The following NR2F1-AS1 variants were observed in gnomAD, a reference collection of about 807,000 sequenced individuals.
The protein encoded by NR2F1-AS1 is NR2F1 regulatory antisense RNA 1.
At chr5:93,466,213 C>A (rs1337237851) in intron 4 of NR2F1-AS1, among the ~76,000 whole-genome samples, 3 of 151,462 alleles carry the variant, frequency 2.0e-5, no homozygotes, top group African/African-American at 7.3e-5. Flanking sequence ...TTTTTCTCAT[C>A]TTCCTTCCTC....
intron 4 of NR2F1-AS1, among the ~76,000 whole-genome samples, chr5:93,448,990 T>A (rs1242483977): frequency 6.6e-6 from 1 of 152,188 alleles, no homozygotes; most frequent in African/African-American, 2.4e-5. Context: ...TTATTTTCTA[T>A]CAAGTATCAA....
chr5:93,471,917 G>A (rs1750373671), intron 4 of NR2F1-AS1, among the ~76,000 whole-genome samples: 1 of 151,786 alleles, frequency 6.6e-6, no homozygotes, highest in African/African-American at 2.4e-5. Context: ...TATCTCACTA[G>A]GGACAGTTAA....
At chr5:93,554,110 C>T (rs1752295268) in intron 3 of NR2F1-AS1, among the ~76,000 whole-genome samples, 1 of 152,164 alleles carries the variant, frequency 6.6e-6, no homozygotes, top group African/African-American at 2.4e-5. Context: ...CCCCCTGCCT[C>T]AGAATGTTCT....
chr5:93,488,015 G>T (rs1750763006), intron 4 of NR2F1-AS1, among the ~76,000 whole-genome samples: 1 of 152,120 alleles, frequency 6.6e-6, no homozygotes, highest in African/African-American at 2.4e-5. Flanking sequence ...TTAATAAATG[G>T]TATTGGGAAA....
chr5:93,516,462 C>T (rs1217331941), intron 4 of NR2F1-AS1, among the ~76,000 whole-genome samples: 1 of 151,786 alleles, frequency 6.6e-6, no homozygotes, highest in Non-Finnish European at 1.5e-5. Flanking sequence ...ATATCCCTTC[C>T]CATTCTAAAG....
chr5:93,415,469 C>T (rs1561424651), intron 4 of NR2F1-AS1, among the ~76,000 whole-genome samples: 1 of 152,202 alleles, frequency 6.6e-6, no homozygotes, highest in Non-Finnish European at 1.5e-5. Context: ...AAGATCTGAT[C>T]TAATCCAAAT....
intron 4 of NR2F1-AS1, among the ~76,000 whole-genome samples, chr5:93,521,211 A>T (rs1480323707): frequency 6.6e-6 from 1 of 152,192 alleles, no homozygotes; most frequent in Non-Finnish European, 1.5e-5. Context: ...CACATACAAA[A>T]ATCAACCCAA....
chr5:93,481,941 ACC>A (rs1750608736), intron 4 of NR2F1-AS1, among the ~76,000 whole-genome samples: 1 of 152,122 alleles, frequency 6.6e-6, no homozygotes, highest in Non-Finnish European at 1.5e-5. Flanking sequence ...AGCTGTAAAC[ACC>A]TATATTTTTA....
chr5:93,436,076 A>C (rs1749425313), intron 4 of NR2F1-AS1, among the ~76,000 whole-genome samples: 1 of 152,232 alleles, frequency 6.6e-6, no homozygotes, highest in Admixed American at 6.5e-5. Flanking sequence ...ATGAAATCAA[A>C]TAAAAGCATC....
intron 4 of NR2F1-AS1, among the ~76,000 whole-genome samples, chr5:93,536,589 A>C (rs557541828): frequency 6.6e-6 from 1 of 152,332 alleles, no homozygotes; most frequent in South Asian, 2.1e-4. Context: ...AAAATAGATA[A>C]ATAAATCAAT....
At chr5:93,465,219 A>T (rs1750201309) in intron 4 of NR2F1-AS1, among the ~76,000 whole-genome samples, 1 of 152,228 alleles carries the variant, frequency 6.6e-6, no homozygotes. Context: ...GAACTTAAAC[A>T]ACTTTACAAG....
intron 4 of NR2F1-AS1, chr5:93,543,089 A>G (rs1751991638): frequency 6.6e-6 from 1 of 152,254 alleles, no homozygotes; most frequent in Admixed American, 6.5e-5. Flanking sequence ...ATTTCAAGCT[A>G]AGATTTTGGT....
At chr5:93,456,672 T>A (rs1749953609) in intron 4 of NR2F1-AS1, among the ~76,000 whole-genome samples, 1 of 151,242 alleles carries the variant, frequency 6.6e-6, no homozygotes, top group Non-Finnish European at 1.5e-5. Context: ...TTTTTTTTTT[T>A]AATAGAGAAA....
At chr5:93,461,540 G>A (rs1750092931) in intron 4 of NR2F1-AS1, among the ~76,000 whole-genome samples, 1 of 152,024 alleles carries the variant, frequency 6.6e-6, no homozygotes. Context: ...AAGAACAGGG[G>A]CTCAAAATAG....
rs747052688 is a variant in NR2F1-AS1, at chr5:93,431,700, G to A, written n.639-36158C>T. Among the ~76,000 whole-genome samples, 13 of 152,216 alleles carry A rather than the reference G, an allele frequency of 8.5e-5. 1 individual carries two copies. The South Asian group carries it at 2.3e-3, about 27-fold the overall frequency. On this transcript the variant is annotated intron_variant and non_coding_transcript_variant, in intron 4 of 5. Coordinates refer to ENST00000660523, the Ensembl canonical transcript of NR2F1-AS1. ...AGAATCCTGCAGTATGTTTCATTCC[G>A]TAAACCCAAGAAAAGTATTTACTCA...
chr5:93,574,700 T>G (rs1353957703), intron 1 of NR2F1-AS1, among the ~76,000 whole-genome samples: 1 of 152,190 alleles, frequency 6.6e-6, no homozygotes, highest in Non-Finnish European at 1.5e-5. Flanking sequence ...TCCCCTTCCT[T>G]TCTTATATTT....
intron 4 of NR2F1-AS1, among the ~76,000 whole-genome samples, chr5:93,497,518 G>A (rs950180817): frequency 1.3e-5 from 2 of 152,144 alleles, no homozygotes; most frequent in Admixed American, 1.3e-4. Flanking sequence ...ATGGAAAATT[G>A]AGCTTTCTGT....
chr5:93,494,179 A>T (rs1403572612), intron 4 of NR2F1-AS1, among the ~76,000 whole-genome samples: 2 of 152,224 alleles, frequency 1.3e-5, no homozygotes, highest in Admixed American at 6.5e-5. Flanking sequence ...CCAAATTTTT[A>T]AATGGGCAAA....
In NR2F1-AS1 at chr5:93,411,807, C is replaced by T. The variant is rs573846535; in HGVS notation, n.639-16265G>A. Among the ~76,000 whole-genome samples, 64 of 152,218 alleles carry T rather than the reference C, an allele frequency of 4.2e-4. No homozygotes were observed. The Middle Eastern group carries it at 0.01, about 24-fold the overall frequency. On this transcript the variant is annotated intron_variant and non_coding_transcript_variant, in intron 4 of 5. Transcript: ENST00000660523. ...AGGTAAGGATTCTGCATTTTCATTC[C>T]TTGTCTTTATAAGCAGGAAAAGCCC...
Sources: allele counts gnomAD v4.1 joint callset (sites outside exome capture counted in the v4.1 genomes callset), GRCh38; gene constraint gnomAD v4.1.1; transcripts MANE v1.5; gene names NCBI Gene and HGNC (gene_info 2026-07-23, HGNC 2026-07-21).